The following KCNIP4 variants were observed in gnomAD, a reference collection of about 807,000 sequenced individuals.
KCNIP4 encodes potassium voltage-gated channel interacting protein 4, also known as Kv channel-interacting protein 4.
KCNIP4 carries 12 observed loss-of-function variants against 34.0 expected under a neutral mutation model. That is an observed-to-expected ratio of 0.35 (90% CI 0.23 to 0.57). The LOEUF is 0.57. Ranked by LOEUF, KCNIP4 falls within the 20% of genes least tolerant of loss-of-function variation. The pLI is 0.83. For synonymous variants in KCNIP4, 124 were observed against 102.2 expected, an observed-to-expected ratio of 1.21 and a Z score of -1.29; for missense variants, 238 against 311.7, an observed-to-expected ratio of 0.76 and a Z score of 1.78.
intron 1 of KCNIP4, among the ~76,000 whole-genome samples, chr4:21,266,236 A>C (rs1424341630): frequency 6.6e-6 from 1 of 152,218 alleles, no homozygotes; most frequent in African/African-American, 2.4e-5. Flanking sequence ...ATAAAAATGC[A>C]ACTTTACGAA....
chr4:21,254,417 GCATAT>G (rs1279460235), intron 1 of KCNIP4, among the ~76,000 whole-genome samples: 4 of 152,156 alleles, frequency 2.6e-5, no homozygotes, highest in African/African-American at 9.7e-5. Context: ...TGTGATGAAT[GCATAT>G]TCCCAGTCTT....
chr4:21,544,249 TTC>T (rs3049991), intron 1 of KCNIP4: 46 of 148,956 alleles, frequency 3.1e-4, no homozygotes, highest in Admixed American at 4.0e-4. Context: ...CTCTGTCTCT[TTC>T]TCTCTCTCTC....
rs532238068 is a variant in KCNIP4 at position 21,043,307 on chromosome 4, T to C, written c.62-160598A>G. On this transcript the variant is annotated intron_variant, in intron 1 of 8. Coordinates refer to ENST00000382152, the MANE Select transcript of KCNIP4 (RefSeq NM_025221.6). ...CACTGATTTATGCTTTTTAAGGTTA[T>C]GTTTTATTTGTATTTGTTTTTTCTG... Among the ~76,000 whole-genome samples the C allele has an allele frequency of 2.0e-5, 3 of 152,258 alleles. 1 individual carries two copies. In the South Asian group the frequency reaches 6.2e-4, roughly 32 times the overall value.
intron 1 of KCNIP4, among the ~76,000 whole-genome samples, chr4:21,106,549 C>A (rs992893465): frequency 2.4e-4 from 35 of 146,882 alleles, no homozygotes; most frequent in African/African-American, 8.2e-4. Flanking sequence ...ACAAAACCAG[C>A]TCCTGGATTC....
intron 1 of KCNIP4, among the ~76,000 whole-genome samples, chr4:21,869,124 C>T (rs1349313842): frequency 1.3e-5 from 2 of 152,082 alleles, no homozygotes; most frequent in East Asian, 3.9e-4. Context: ...ATCCTATTTG[C>T]TTGAGGGACG....
At chr4:20,883,720 A>G (rs929323111) in intron 1 of KCNIP4, among the ~76,000 whole-genome samples, 2 of 129,060 alleles carry the variant, frequency 1.5e-5, no homozygotes, top group African/African-American at 5.6e-5. Flanking sequence ...TTGGAATTAT[A>G]AAAAAATTCC....
At chr4:21,238,907 A>T (rs1342185618) in intron 1 of KCNIP4, among the ~76,000 whole-genome samples, 1 of 152,162 alleles carries the variant, frequency 6.6e-6, no homozygotes, top group Non-Finnish European at 1.5e-5. Context: ...AACAGAGCCC[A>T]CATTGCTGAG....
chr4:21,276,750 C>T (rs1053209096), intron 1 of KCNIP4, among the ~76,000 whole-genome samples: 5 of 152,038 alleles, frequency 3.3e-5, no homozygotes, highest in African/African-American at 1.2e-4. Flanking sequence ...TCCCAGACTC[C>T]CTTGCAACTA....
At chr4:21,776,237 C>T (rs1719169956) in intron 1 of KCNIP4, among the ~76,000 whole-genome samples, 1 of 152,208 alleles carries the variant, frequency 6.6e-6, no homozygotes, top group East Asian at 1.9e-4. Context: ...CACTGTTCTT[C>T]CTTCTCTCCA....
At chr4:21,756,289 C>A (rs144837500) in intron 1 of KCNIP4, among the ~76,000 whole-genome samples, 1 of 152,170 alleles carries the variant, frequency 6.6e-6, no homozygotes, top group African/African-American at 2.4e-5. Context: ...GGCACAGTGG[C>A]TTACGCCTGT....
At chr4:21,499,330 C>CAA (rs527385773) in intron 1 of KCNIP4, among the ~76,000 whole-genome samples, 95 of 98,220 alleles carry the variant, frequency 9.7e-4, no homozygotes, top group African/African-American at 3.6e-3. Flanking sequence ...GACTCCATCT[C>CAA]AAAAAAAAAA....
At chr4:21,133,806 T>C (rs1466991087) in intron 1 of KCNIP4, among the ~76,000 whole-genome samples, 1 of 152,190 alleles carries the variant, frequency 6.6e-6, no homozygotes, top group East Asian at 1.9e-4. Context: ...TGTTTTCTAA[T>C]TTTTACTCTC....
In KCNIP4 at chr4:21,682,093, T is replaced by C. The variant is rs937978623; in HGVS notation, c.61+266478A>G. On this transcript the variant is annotated intron_variant, in intron 1 of 8. Coordinates refer to ENST00000382152, the MANE Select transcript of KCNIP4 (RefSeq NM_025221.6). ...TTTTAGTAGAGACAGGGTTTCACCA[T>C]GTTAGCCAGGCTGGTCTCGAACTCC... Among the ~76,000 whole-genome samples the C allele has an allele frequency of 7.9e-5, 12 of 152,180 alleles. No individual in the cohort carries two copies. In the East Asian group the frequency reaches 2.1e-3, roughly 27 times the overall value.
At chr4:20,945,214 C>T (rs1732068500) in intron 1 of KCNIP4, among the ~76,000 whole-genome samples, 1 of 152,206 alleles carries the variant, frequency 6.6e-6, no homozygotes, top group South Asian at 2.1e-4. Flanking sequence ...GGGCAGCAAT[C>T]TAACAAGAAT....
intron 1 of KCNIP4, among the ~76,000 whole-genome samples, chr4:21,313,613 G>C (rs1041599322): frequency 6.6e-6 from 1 of 152,148 alleles, no homozygotes; most frequent in Non-Finnish European, 1.5e-5. Flanking sequence ...GACACCGTTA[G>C]TAGAACCACA....
intron 1 of KCNIP4, among the ~76,000 whole-genome samples, chr4:21,627,522 G>T (rs1161391601): frequency 6.6e-6 from 1 of 151,878 alleles, no homozygotes; most frequent in Non-Finnish European, 1.5e-5. Context: ...TCTGATATTT[G>T]CCTGAATTAC....
At chr4:20,827,313 T>C (rs1240508445) in intron 3 of KCNIP4, among the ~76,000 whole-genome samples, 1 of 152,150 alleles carries the variant, frequency 6.6e-6, no homozygotes, top group Non-Finnish European at 1.5e-5. Context: ...GAGCAAGGCA[T>C]GGACGGGATT....
At chr4:20,889,528 G>A (rs973481679) in intron 1 of KCNIP4, among the ~76,000 whole-genome samples, 1 of 152,192 alleles carries the variant, frequency 6.6e-6, no homozygotes, top group Admixed American at 6.5e-5. Context: ...ACTCTGGAGG[G>A]CGGGGAGGGT....
chr4:21,740,170 A>G (rs1716297816), intron 1 of KCNIP4, among the ~76,000 whole-genome samples: 2 of 152,264 alleles, frequency 1.3e-5, no homozygotes, highest in Admixed American at 6.5e-5. Context: ...GTATATATGT[A>G]TTGACACATG....
Sources: gnomAD v4.1 joint callset for allele counts (sites outside exome capture counted in the v4.1 genomes callset) on GRCh38, gnomAD v4.1.1 for gene constraint, MANE v1.5 for transcripts, NCBI Gene and HGNC (gene_info 2026-07-23, HGNC 2026-07-21) for gene names.